Variants in NALCN observed in about 807,000 individuals in gnomAD.
NALCN encodes sodium leak channel, non-selective.
In NALCN, 111 loss-of-function variants were observed where a neutral mutation model predicts 225.3. That is an observed-to-expected ratio of 0.49 (90% CI 0.42 to 0.58). The LOEUF (loss-of-function observed/expected upper bound fraction) is 0.58. Ranked by LOEUF, NALCN falls within the 20% of genes least tolerant of loss-of-function variation. NALCN has a pLI of 0.00. For missense variants in NALCN, 1,378 were observed against 2,202.4 expected, an observed-to-expected ratio of 0.63 and a Z score of 7.49; for synonymous variants, 764 against 769.0, an observed-to-expected ratio of 0.99 and a Z score of 0.11.
At chr13:101,397,065 ATTATATATATATATATATATATAT>A (rs1422586823) in intron 2 of NALCN, among the ~76,000 whole-genome samples, 25 of 68,574 alleles carry the variant, frequency 3.6e-4, no homozygotes, top group African/African-American at 1.5e-3. Flanking sequence ...CTATGAATGT[ATTATATATATATATATATATATAT>A]ATATATATAT....
intron 34 of NALCN, among the ~76,000 whole-genome samples, chr13:101,076,223 T>G (rs1379684820): frequency 6.6e-6 from 1 of 152,232 alleles, no homozygotes; most frequent in Non-Finnish European, 1.5e-5. Context: ...CCAGCTCTTT[T>G]GCATACAGGG....
intron 3 of NALCN, among the ~76,000 whole-genome samples, chr13:101,390,743 G>A (rs7320326): frequency 0.076 from 11,538 of 152,012 alleles, 849 homozygotes; most frequent in East Asian, 0.32. Flanking sequence ...TTTTAACCAC[G>A]AGGCAAGGAA....
At position 101,376,740 on chromosome 13, in the gene NALCN, T is replaced by C. The variant is rs1468874887; in HGVS notation, c.604A>G (p.Thr202Ala). The change falls in exon 6 of 44, where the codon ACA becomes GCA. Residue 202 changes from threonine to alanine, a missense_variant. Coordinates refer to ENST00000251127, the MANE Select transcript of NALCN (RefSeq NM_052867.4). ...YGILGVQMFGTFTYHCVVNDT... is the reference protein window; with the variant it reads ...YGILGVQMFGAFTYHCVVNDT... ...TTTACAACACAGTGATAAGTAAATG[T>C]TCCAAACATCTGAACTCCTAAAATT... The C allele has an allele frequency of 6.2e-7, 1 of 1,612,614 alleles. No individual in the cohort carries two copies. Among genetic ancestry groups the C allele is most frequent in the African/African-American group, 1.3e-5 (1 of 74,714 alleles).
At chr13:101,241,443 TTTTTTC>T (rs1231944261) in intron 11 of NALCN, among the ~76,000 whole-genome samples, 2 of 152,072 alleles carry the variant, frequency 1.3e-5, no homozygotes, top group African/African-American at 4.8e-5. Context: ...GATAACCTTT[TTTTTTC>T]TTTTTCTGAG....
intron 15 of NALCN, among the ~76,000 whole-genome samples, chr13:101,152,104 G>A (rs1289121028): frequency 1.3e-5 from 2 of 152,174 alleles, no homozygotes; most frequent in African/African-American, 4.8e-5. Flanking sequence ...TCAAAGTGGG[G>A]TTTTCAATTA....
intron 35 of NALCN, among the ~76,000 whole-genome samples, chr13:101,075,652 T>C (rs933080701): frequency 6.6e-6 from 1 of 152,002 alleles, no homozygotes; most frequent in African/African-American, 2.4e-5. Context: ...AATTATTGAA[T>C]ATAAAGAATA....
chr13:101,386,573 A>G (rs1023030614), intron 3 of NALCN, among the ~76,000 whole-genome samples: 4 of 151,932 alleles, frequency 2.6e-5, no homozygotes, highest in Admixed American at 2.6e-4. Flanking sequence ...AAACATTTTC[A>G]TATCTTACAT....
chr13:101,173,181 G>T (rs2038815179), intron 15 of NALCN, among the ~76,000 whole-genome samples: 1 of 152,180 alleles, frequency 6.6e-6, no homozygotes, highest in Non-Finnish European at 1.5e-5. Context: ...TTTAACGATT[G>T]GGTTGCTGCA....
intron 11 of NALCN, among the ~76,000 whole-genome samples, chr13:101,253,794 C>T (rs11842667): frequency 0.23 from 34,556 of 152,018 alleles, 3,990 homozygotes; most frequent in East Asian, 0.37. Context: ...TGTACAATTT[C>T]AGAGTTGAGT....
intron 28 of NALCN, among the ~76,000 whole-genome samples, chr13:101,092,535 C>CT (rs1342030690): frequency 3.3e-5 from 5 of 152,212 alleles, no homozygotes; most frequent in African/African-American, 4.8e-5. Context: ...CTGCCCCCTT[C>CT]ACCTGGCTAG....
intron 17 of NALCN, among the ~76,000 whole-genome samples, chr13:101,129,794 C>T (rs1478416593): frequency 2.7e-5 from 4 of 150,516 alleles, no homozygotes; most frequent in African/African-American, 7.3e-5. Context: ...CGTAGGTATG[C>T]ATGTCCCACA....
At chr13:101,163,885 A>C (rs2038310725) in intron 15 of NALCN, among the ~76,000 whole-genome samples, 1 of 152,116 alleles carries the variant, frequency 6.6e-6, no homozygotes, top group Non-Finnish European at 1.5e-5. Flanking sequence ...GGAGGTTCTG[A>C]GGGGGGTCTA....
intron 10 of NALCN, among the ~76,000 whole-genome samples, chr13:101,259,263 T>A (rs1008746205): frequency 2.0e-5 from 3 of 152,054 alleles, no homozygotes; most frequent in Non-Finnish European, 2.9e-5. Flanking sequence ...GGAACCCAAG[T>A]CTGGTCCAAG....
chr13:101,361,454 T>C (rs889925195), intron 6 of NALCN, among the ~76,000 whole-genome samples: 2 of 152,190 alleles, frequency 1.3e-5, no homozygotes, highest in South Asian at 2.1e-4. Context: ...CTTTTAAGAA[T>C]AGGCTCCTTG....
intron 10 of NALCN, among the ~76,000 whole-genome samples, chr13:101,276,416 C>A (rs2042975436): frequency 6.6e-6 from 1 of 152,142 alleles, no homozygotes; most frequent in African/African-American, 2.4e-5. Context: ...TTAAAGAGCT[C>A]ACCACATATA....
intron 13 of NALCN, among the ~76,000 whole-genome samples, chr13:101,197,256 G>T (rs1301524536): frequency 6.6e-6 from 1 of 152,086 alleles, no homozygotes; most frequent in Admixed American, 6.6e-5. Flanking sequence ...CTTAAGGGAT[G>T]AGCCTAGAAT....
Position 101,292,206 on chromosome 13 carries a change from T to C in NALCN, c.942+18A>G. 2 of 1,613,696 alleles carry C rather than the reference T, an allele frequency of 1.2e-6. No homozygotes were observed. Among genetic ancestry groups the C allele is most frequent in the Non-Finnish European group, 1.7e-6 (2 of 1,179,810 alleles). ...TATCACAGAACATAGACTTTCTTAG[T>C]ACAATTCTTCGCAGTACCTTCACAA... On this transcript the variant is annotated intron_variant, in intron 8 of 43. Transcript: ENST00000251127. The surrounding 1 kb of genome is among the most constrained non-coding windows in gnomAD (Gnocchi z 4.3).
At chr13:101,158,990 T>C (rs1358011128) in intron 15 of NALCN, among the ~76,000 whole-genome samples, 8 of 152,188 alleles carry the variant, frequency 5.3e-5, no homozygotes, top group Non-Finnish European at 7.3e-5. Flanking sequence ...CACTTAGCAC[T>C]GAGATTTTAG....
chr13:101,308,900 T>C (rs1031988997), intron 7 of NALCN, among the ~76,000 whole-genome samples: 9 of 150,904 alleles, frequency 6.0e-5, no homozygotes, highest in African/African-American at 2.2e-4. Context: ...TCACACTTCA[T>C]ACCTACACTT....
Sources: gnomAD v4.1 joint callset for allele counts (sites outside exome capture counted in the v4.1 genomes callset) on GRCh38, gnomAD v4.1.1 for gene constraint, Gnocchi (gnomAD v3.1) non-coding constraint, MANE v1.5 for transcripts, NCBI Gene and HGNC (gene_info 2026-07-23, HGNC 2026-07-21) for gene names.